The following PDZRN4 variants were observed in gnomAD, a reference collection of about 807,000 sequenced individuals.
PDZRN4 encodes the protein PDZ domain containing ring finger 4, also known as PDZ domain-containing RING finger protein 4.
PDZRN4 carries 70 observed loss-of-function variants against 99.0 expected under a neutral mutation model. That is an observed-to-expected ratio of 0.71 (90% CI 0.58 to 0.86). The LOEUF (loss-of-function observed/expected upper bound fraction) is 0.86. Ranked by LOEUF, PDZRN4 falls within the 40% of genes least tolerant of loss-of-function variation. The probability of loss-of-function intolerance (pLI) is 0.00; values close to 1 mark genes in which losing one functional copy is unlikely to be tolerated. For missense variants in PDZRN4, 1,474 were observed against 1,331.2 expected (o/e 1.11, Z -1.67); for synonymous variants, 551 against 501.6 (o/e 1.10, Z -1.32).
chr12:41,388,280 G>A (rs550008665), intron 3 of PDZRN4, among the ~76,000 whole-genome samples: 1 of 151,988 alleles, frequency 6.6e-6, no homozygotes, highest in Non-Finnish European at 1.5e-5. Flanking sequence ...AGAGGGTCAG[G>A]AAAAATAACT....
At position 41,402,217 on chromosome 12, in the gene PDZRN4, TAC is replaced by T. The variant is rs373728405; in HGVS notation, c.844-104230_844-104229del. 3.2e-4 allele frequency among the ~76,000 whole-genome samples: 2 copies of T among 6,190 alleles called. 1 individual carries two copies. Among genetic ancestry groups the T allele is most frequent in the African/African-American group, 5.4e-4 (2 of 3,680 alleles). The allele number at this position is 6,190 out of a possible 152,430, so 4.1% of individuals were successfully genotyped here. On this transcript the variant is annotated intron_variant, in intron 3 of 9. Coordinates refer to ENST00000402685, the MANE Select transcript of PDZRN4 (RefSeq NM_001164595.2). Reference sequence around the variant, plus strand: ...CACACACACTGAGTATACATATATATACACACACACTGAGTATACATATATAT... The same window carrying T: ...CACACACACTGAGTATACATATATATACACACACTGAGTATACATATATAT...
At chr12:41,503,806 T>C (rs1938152904) in intron 3 of PDZRN4, among the ~76,000 whole-genome samples, 1 of 152,202 alleles carries the variant, frequency 6.6e-6, no homozygotes, top group Admixed American at 6.5e-5. Context: ...TAGAATTTAA[T>C]GTACAACTGG....
intron 3 of PDZRN4, among the ~76,000 whole-genome samples, chr12:41,235,101 G>A (rs562878540): frequency 1.1e-4 from 16 of 152,166 alleles, no homozygotes; most frequent in East Asian, 5.8e-4. Flanking sequence ...AATATGCCTC[G>A]TCTGTCTTAT....
intron 3 of PDZRN4, among the ~76,000 whole-genome samples, chr12:41,402,167 T>TAC (rs1353144259): frequency 9.8e-5 from 6 of 61,114 alleles, no homozygotes; most frequent in African/African-American, 4.5e-4. Flanking sequence ...TATATATATA[T>TAC]ACACACTGAG....
intron 3 of PDZRN4, among the ~76,000 whole-genome samples, chr12:41,490,922 T>C (rs1937874319): frequency 6.6e-6 from 1 of 152,146 alleles, no homozygotes; most frequent in Admixed American, 6.6e-5. Context: ...GATTCATATC[T>C]GAGTCAGAAT....
Position 41,392,108 on chromosome 12 carries a change from C to T in PDZRN4, c.844-114348C>T, listed in dbSNP as rs908635850. Among the ~76,000 whole-genome samples the T allele has an allele frequency of 2.2e-4, 34 of 152,060 alleles. 1 individual carries two copies. Among genetic ancestry groups the T allele is most frequent in the Non-Finnish European group, 1.0e-4 (7 of 68,014 alleles). Reference sequence around the variant, plus strand: ...GATATCAGAATTCTTGTGAATTCAACACTTAGAGGTGAATTAAAGTATGAA... The same window carrying T: ...GATATCAGAATTCTTGTGAATTCAATACTTAGAGGTGAATTAAAGTATGAA... On this transcript the variant is annotated intron_variant, in intron 3 of 9. Coordinates refer to ENST00000402685, the MANE Select transcript of PDZRN4 (RefSeq NM_001164595.2).
chr12:41,261,580 C>G (rs569725727), intron 3 of PDZRN4, among the ~76,000 whole-genome samples: 1 of 152,144 alleles, frequency 6.6e-6, no homozygotes, highest in Non-Finnish European at 1.5e-5. Context: ...AGCTCTGCCT[C>G]CCGGGTTCAC....
chr12:41,479,380 T>C (rs1389335379), intron 3 of PDZRN4, among the ~76,000 whole-genome samples: 3 of 152,226 alleles, frequency 2.0e-5, no homozygotes, highest in African/African-American at 7.2e-5. Context: ...CATTCACTTT[T>C]ACTTGGTTCC....
chr12:41,469,892 T>G (rs1241085628), intron 3 of PDZRN4, among the ~76,000 whole-genome samples: 1 of 151,886 alleles, frequency 6.6e-6, no homozygotes, highest in East Asian at 1.9e-4. Context: ...ATCACGCCAC[T>G]GCACTCCAGC....
At chr12:41,492,214 T>G (rs1467229238) in intron 3 of PDZRN4, among the ~76,000 whole-genome samples, 3 of 152,322 alleles carry the variant, frequency 2.0e-5, no homozygotes, top group Non-Finnish European at 4.4e-5. Flanking sequence ...TAAGGAAAAC[T>G]TATCATCTAA....
chr12:41,411,074 T>TA (rs1952395962), intron 3 of PDZRN4, among the ~76,000 whole-genome samples: 1 of 150,188 alleles, frequency 6.7e-6, no homozygotes, highest in East Asian at 2.0e-4. Context: ...TATATTTTTT[T>TA]TTTATTTGTA....
chr12:41,285,308 C>G (rs1442513560), intron 3 of PDZRN4, among the ~76,000 whole-genome samples: 2 of 152,108 alleles, frequency 1.3e-5, no homozygotes, highest in East Asian at 3.9e-4. Flanking sequence ...CAATGAGATA[C>G]CATCTCATTC....
intron 5 of PDZRN4, among the ~76,000 whole-genome samples, chr12:41,546,327 G>A (rs1018394902): frequency 2.0e-5 from 3 of 152,134 alleles, no homozygotes; most frequent in Non-Finnish European, 4.4e-5. Context: ...GAGTCATGTT[G>A]CCATTTTTGT....
rs145906326 is a variant in PDZRN4 at position 41,573,725 on chromosome 12, G to A, written c.2946G>A (p.Lys982=). The A allele has an allele frequency of 2.5e-6, 4 of 1,613,774 alleles. No individual in the cohort carries two copies. Among genetic ancestry groups the A allele is most frequent in the African/African-American group, 2.7e-5 (2 of 74,896 alleles). The part of the protein sequence containing the change: ...KESPQSGSEG[K]KEINIIELSH... ...GCCCTCAGAGCGGCAGTGAGGGCAA[G>A]AAGGAGATCAATATCATTGAACTGA... Residue 982 remains lysine, a synonymous_variant, in exon 10 of 10, where the codon AAG becomes AAA. Coordinates refer to ENST00000402685, the MANE Select transcript of PDZRN4 (RefSeq NM_001164595.2).
chr12:41,379,861 T>C (rs781031897), intron 3 of PDZRN4, among the ~76,000 whole-genome samples: 2 of 152,058 alleles, frequency 1.3e-5, no homozygotes, highest in Non-Finnish European at 1.5e-5. Context: ...ATCTGTTAGG[T>C]AATTTGGTCT....
rs1304804746 is a variant in PDZRN4, at chr12:41,485,767, G to A, written c.844-20689G>A. On this transcript the variant is annotated intron_variant, in intron 3 of 9. Transcript: ENST00000402685. ...ATTAAAATCCAGAAATCATTTATTG[G>A]TCCTTAATTTACTATTTGTGTTTGT... 3.3e-5 allele frequency among the ~76,000 whole-genome samples: 5 copies of A among 152,148 alleles called. No homozygotes were observed. The East Asian group carries it at 7.7e-4, about 24-fold the overall frequency.
intron 3 of PDZRN4, among the ~76,000 whole-genome samples, chr12:41,197,920 G>GTTTTTTTTTGTTTTTT (rs1950786672): frequency 1.7e-5 from 2 of 115,602 alleles, no homozygotes; most frequent in African/African-American, 6.6e-5. Context: ...TTTTTTCTGG[G>GTTTTTTTTTGTTTTTT]TTTTTTTTTT....
intron 3 of PDZRN4, among the ~76,000 whole-genome samples, chr12:41,429,585 T>C (rs1295019390): frequency 6.6e-6 from 1 of 152,100 alleles, no homozygotes; most frequent in Non-Finnish European, 1.5e-5. Context: ...TGACAGGCAA[T>C]GGAAAGTACT....
At chr12:41,492,540 G>A (rs932280126) in intron 3 of PDZRN4, among the ~76,000 whole-genome samples, 1 of 152,010 alleles carries the variant, frequency 6.6e-6, no homozygotes, top group African/African-American at 2.4e-5. Context: ...CATTTTACCA[G>A]GTTGTAAGAG....
Sources: allele counts gnomAD v4.1 joint callset (sites outside exome capture counted in the v4.1 genomes callset), GRCh38; gene constraint gnomAD v4.1.1; transcripts MANE v1.5; gene names NCBI Gene and HGNC (gene_info 2026-07-23, HGNC 2026-07-21).